F2RL2: variants seen among roughly 807,000 people sequenced by gnomAD.
F2RL2 encodes coagulation factor II thrombin receptor like 2.
A neutral mutation model predicts 4.3 loss-of-function variants in F2RL2; 4 were observed. That is an observed-to-expected ratio of 0.93 (90% CI 0.46 to 2.12). The LOEUF (loss-of-function observed/expected upper bound fraction) is 2.12. Ranked by LOEUF, F2RL2 falls within the 30% of genes most tolerant of loss-of-function variation. F2RL2 has a pLI of 0.02. For synonymous variants in F2RL2, 166 were observed against 170.9 expected, an observed-to-expected ratio of 0.97 and a Z score of 0.22; for missense variants, 408 against 449.3, an observed-to-expected ratio of 0.91 and a Z score of 0.83.
chr5:76,618,485 A>G lies in F2RL2; in HGVS notation c.222T>C (p.Ser74=), dbSNP rs750871274. 3.1e-6 allele frequency: 5 copies of G among 1,614,084 alleles called. No homozygotes were observed. In the Admixed American group the frequency reaches 8.3e-5, roughly 27 times the overall value. The change falls in exon 2 of 2, where the codon AGT becomes AGC. Residue 74 remains serine (S), a synonymous_variant. Transcript: ENST00000296641. ...CATTTTTCACATGGAGATGTGAAGC[A>G]CTTTCTTCAGGGCACTTAATTTTTA... ...ITVKIKCPEE[S]ASHLHVKNAT... is the part of the protein sequence containing the mutation.
intron 1 of F2RL2, among the ~76,000 whole-genome samples, chr5:76,619,104 T>G (rs563111334): frequency 8.5e-5 from 13 of 152,366 alleles, no homozygotes; most frequent in African/African-American, 3.1e-4. Flanking sequence ...TGGGCTATCA[T>G]GGGATCTGGG....
Position 76,618,442 on chromosome 5 carries a change from T to G in F2RL2, c.265A>C (p.Thr89Pro). 3 of 1,614,190 alleles carry G rather than the reference T, an allele frequency of 1.9e-6. No individual in the cohort carries two copies. The highest frequency in any genetic ancestry group is 2.5e-6 in the Non-Finnish European group (3 of 1,180,028). The change falls in exon 2 of 2, where the codon ACC becomes CCC. Residue 89 changes from threonine (T) to proline (P), a missense_variant. Physicochemically the swap from Thr to Pro is conservative, Grantham distance 38. Coordinates refer to ENST00000296641, the MANE Select transcript of F2RL2 (RefSeq NM_004101.4). Reference protein sequence around the residue: ...HVKNATMGYLTSSLSTKLIPA... With the variant: ...HVKNATMGYLPSSLSTKLIPA... ...ATCAGTTTAGTACTTAAGGAGCTGG[T>G]CAGGTACCCCATGGTAGCATTTTTC...
In F2RL2 at chr5:76,618,541, A is replaced by T; in HGVS notation, c.166T>A (p.Leu56Met). The T allele has an allele frequency of 6.2e-7, 1 of 1,614,160 alleles. No homozygotes were observed. Among genetic ancestry groups the T allele is most frequent in the Non-Finnish European group, 8.5e-7 (1 of 1,180,014 alleles). Reference protein sequence around the residue: ...NSFEEFPFSALEGWTGATITV... With the variant: ...NSFEEFPFSAMEGWTGATITV... ...ATCGTGGCTCCTGTCCAGCCTTCCA[A>T]GGCAGAAAAGGGGAACTCTTCAAAA... The change falls in exon 2 of 2, where the codon TTG becomes ATG. Residue 56 changes from leucine to methionine, a missense_variant. Leu to Met is a conservative substitution (Grantham distance 15). Coordinates refer to ENST00000296641, the MANE Select transcript of F2RL2 (RefSeq NM_004101.4).
intron 1 of F2RL2, among the ~76,000 whole-genome samples, chr5:76,620,846 A>G (rs1749586090): frequency 6.6e-6 from 1 of 152,224 alleles, no homozygotes; most frequent in Non-Finnish European, 1.5e-5. Context: ...AAACACATCA[A>G]CTATATGCTA....
rs1749180676 is a variant in F2RL2 at position 76,618,098 on chromosome 5, G to A, written c.609C>T (p.Gly203=). The A allele has an allele frequency of 6.2e-7, 1 of 1,614,158 alleles. No homozygotes were observed. The highest frequency in any genetic ancestry group is 1.1e-5 in the South Asian group (1 of 91,078). ...CCAAGGCATAGGTGTGCTTGGGCAG[G>A]CCCCGGTAGGTGAAAGGATGGACGA... ...LAIVHPFTYR[G]LPKHTYALVT... is the part of the protein sequence containing the mutation. The change falls in exon 2 of 2, where the codon GGC becomes GGT. Residue 203 remains glycine (G), a synonymous_variant. Coordinates refer to ENST00000296641, the MANE Select transcript of F2RL2 (RefSeq NM_004101.4).
Position 76,617,752 on chromosome 5 carries a change from T to G in F2RL2, c.955A>C (p.Ile319Leu). The change falls in exon 2 of 2, where the codon ATT becomes CTT. Residue 319 changes from isoleucine (I) to leucine (L), a missense_variant. By Grantham distance (5) the Ile-to-Leu change is conservative. Transcript: ENST00000296641. The stretch of plus-strand genomic sequence containing the variant: ...TTAGCATGGTGAATAATAAGAATAA[T>G]ATTGCTTGGAGCAAAGCAAATGGTA... ...IFTICFAPSN[I>L]ILIIHHANYY... is the part of the protein sequence containing the mutation. 6.2e-7 allele frequency: 1 copy of G among 1,613,864 alleles called. No homozygotes were observed. The highest frequency in any genetic ancestry group is 8.5e-7 in the Non-Finnish European group (1 of 1,179,858).
intron 1 of F2RL2, 63 bp downstream of exon 1, chr5:76,623,104 G>A: frequency 1.3e-6 from 2 of 1,507,338 alleles, no homozygotes; most frequent in Non-Finnish European, 1.8e-6. Flanking sequence ...CCTAGGTTCA[G>A]TTGACTCTTA....
At chr5:76,619,740 G>C (rs906756261) in intron 1 of F2RL2, among the ~76,000 whole-genome samples, 1 of 151,976 alleles carries the variant, frequency 6.6e-6, no homozygotes, top group Admixed American at 6.6e-5. Context: ...GGATGGTCTC[G>C]ATCTCCTGAC....
Position 76,623,184 on chromosome 5 carries a change from G to A in F2RL2, c.47C>T (p.Pro16Leu). 6.2e-6 allele frequency: 10 copies of A among 1,614,146 alleles called. No homozygotes were observed. The highest frequency in any genetic ancestry group is 8.5e-6 in the Non-Finnish European group (10 of 1,180,024). ...TTGCTTACCACTCTGACAAAAAGTG[G>A]GCAACAGAAGCAGGAGGCCAGCAGC... ...FAAAGLLLLL[P>L]TFCQSGMEND... Residue 16 changes from proline to leucine, a missense_variant, in exon 1 of 2, where the codon CCC becomes CTC. By Grantham distance (98) the Pro-to-Leu change is moderately conservative. Coordinates refer to ENST00000296641, the MANE Select transcript of F2RL2 (RefSeq NM_004101.4).
Position 76,618,091 on chromosome 5 carries a change from T to C in F2RL2, c.616A>G (p.Lys206Glu). Reference sequence around the variant, plus strand: ...CATGTTACCAAGGCATAGGTGTGCTTGGGCAGGCCCCGGTAGGTGAAAGGA... The same window carrying C: ...CATGTTACCAAGGCATAGGTGTGCTCGGGCAGGCCCCGGTAGGTGAAAGGA... Reference protein sequence around the residue: ...VHPFTYRGLPKHTYALVTCGL... With the variant: ...VHPFTYRGLPEHTYALVTCGL... The change falls in exon 2 of 2, where the codon AAG becomes GAG. Residue 206 changes from lysine to glutamate, a missense_variant. Lys to Glu is a moderately conservative substitution (Grantham distance 56). Coordinates refer to ENST00000296641, the MANE Select transcript of F2RL2 (RefSeq NM_004101.4). 1 of 1,614,178 alleles carries C rather than the reference T, an allele frequency of 6.2e-7. No individual in the cohort carries two copies. The highest frequency in any genetic ancestry group is 8.5e-7 in the Non-Finnish European group (1 of 1,180,032).
At position 76,618,478 on chromosome 5, in the gene F2RL2, G is replaced by A. The variant is rs1749242059; in HGVS notation, c.229C>T (p.His77Tyr). The change falls in exon 2 of 2, where the codon CAT (histidine) becomes TAT (tyrosine). Residue 77 changes from histidine (H) to tyrosine (Y), a missense_variant. Transcript: ENST00000296641. ...KIKCPEESAS[H>Y]LHVKNATMGY... ...ATGGTAGCATTTTTCACATGGAGAT[G>A]TGAAGCACTTTCTTCAGGGCACTTA... The A allele has an allele frequency of 6.2e-7, 1 of 1,614,082 alleles. No homozygotes were observed. Among genetic ancestry groups the A allele is most frequent in the South Asian group, 1.1e-5 (1 of 91,086 alleles).
rs755031524 is a variant in F2RL2, at chr5:76,618,546, GA to G, written c.160del (p.Ser54LeufsTer13). The G allele has an allele frequency of 9.3e-6, 15 of 1,614,016 alleles. No homozygotes were observed. Among genetic ancestry groups the G allele is most frequent in the South Asian group, 3.3e-5 (3 of 91,090 alleles). On this transcript the variant is annotated frameshift_variant, in exon 2 of 2. Coordinates refer to ENST00000296641, the MANE Select transcript of F2RL2 (RefSeq NM_004101.4). LOFTEE classifies it low-confidence loss of function (END_TRUNC). ...PPNSFEEFPFSALEGWTGATI... is the reference protein window; with the variant it reads ...PPNSFEEFPFXALEGWTGATI... ...GGCTCCTGTCCAGCCTTCCAAGGCAGAAAAGGGGAACTCTTCAAAAGAATTT... is the reference window on the plus strand; with the variant it reads ...GGCTCCTGTCCAGCCTTCCAAGGCAGAAAGGGGAACTCTTCAAAAGAATTT...
rs1383521894 is a variant in F2RL2 at position 76,617,995 on chromosome 5, C to G, written c.712G>C (p.Val238Leu). The G allele has an allele frequency of 1.2e-6, 2 of 1,613,952 alleles. No individual in the cohort carries two copies. The highest frequency in any genetic ancestry group is 3.3e-5 in the Admixed American group (2 of 59,992). Residue 238 changes from valine (V) to leucine (L), a missense_variant, in exon 2 of 2, where the codon GTT becomes CTT. Coordinates refer to ENST00000296641, the MANE Select transcript of F2RL2 (RefSeq NM_004101.4). ...FFILKQEYYL[V>L]QPDITTCHDV... ...TGGCAGGTGGTGATGTCTGGCTGAA[C>G]AAGATAATATTCCTGCTTCAGTATG... is the stretch of plus-strand genomic sequence containing the variant.
intron 1 of F2RL2, among the ~76,000 whole-genome samples, chr5:76,619,514 CTTTTTTTTTTTTT>C: frequency 9.6e-6 from 1 of 104,266 alleles, no homozygotes; most frequent in East Asian, 2.5e-4. Flanking sequence ...TAAGGATCTT[CTTTTTTTTTTTTT>C]TTTTTTTTTG....
rs1749083744 is a variant in F2RL2, at chr5:76,617,388, C to A, written c.*194G>T. The A allele has an allele frequency of 1.8e-6, 1 of 542,094 alleles. No homozygotes were observed. Among genetic ancestry groups the A allele is most frequent in the Non-Finnish European group, 3.2e-6 (1 of 307,746 alleles). 33.6% of individuals were successfully genotyped at this position (542,094 alleles called of 1,614,324 possible). ...GCAATGAGCCAAGATAGTGCCACTGCACGCCAGTCTGGGTGATAAAGTGAG... is the reference window on the plus strand; with the variant it reads ...GCAATGAGCCAAGATAGTGCCACTGAACGCCAGTCTGGGTGATAAAGTGAG... On this transcript the variant is annotated 3_prime_UTR_variant, in exon 2 of 2. Transcript: ENST00000296641.
chr5:76,623,327 G>A lies in F2RL2; in HGVS notation c.-97C>T. The A allele has an allele frequency of 1.4e-6, 2 of 1,422,030 alleles. No individual in the cohort carries two copies. The highest frequency in any genetic ancestry group is 2.3e-5 in the East Asian group (1 of 43,772). The allele number at this position is 1,422,030 out of a possible 1,614,324, so 88.1% of individuals were successfully genotyped here. A position where few individuals can be genotyped will look rare whatever the true frequency, so the allele number is the denominator to read the frequency against. ...TTCCATGTGTCAGCAGCAAATGGAA[G>A]CCTTGGTCTGTCTGTAGAAGTTTGC... On this transcript the variant is annotated 5_prime_UTR_variant, in exon 1 of 2. Transcript: ENST00000296641.
intron 1 of F2RL2, among the ~76,000 whole-genome samples, chr5:76,621,856 A>C (rs1376897404): frequency 2.0e-5 from 3 of 152,104 alleles, no homozygotes; most frequent in Non-Finnish European, 4.4e-5. Flanking sequence ...TCTATCCGGG[A>C]AAAGGCCTTG....
intron 1 of F2RL2, among the ~76,000 whole-genome samples, chr5:76,621,119 C>T (rs1265398847): frequency 2.6e-5 from 4 of 152,268 alleles, no homozygotes; most frequent in South Asian, 2.1e-4. Context: ...CAAAATTCCT[C>T]CATATTGAAT....
At position 76,617,347 on chromosome 5, in the gene F2RL2, C is replaced by T. The variant is rs947790955; in HGVS notation, c.*235G>A. The stretch of plus-strand genomic sequence containing the variant: ...AATCCCAGCTACTTGGGAGGCTGAC[C>T]TGGGAGGCAGAGGTTGCAATGAGCC... On this transcript the variant is annotated 3_prime_UTR_variant, in exon 2 of 2. Transcript: ENST00000296641. 2 of 402,054 alleles carry T rather than the reference C, an allele frequency of 5.0e-6. No homozygotes were observed. The highest frequency in any genetic ancestry group is 4.0e-5 in the African/African-American group (2 of 50,110). 24.9% of individuals were successfully genotyped at this position (402,054 alleles called of 1,614,324 possible).
Sources: gnomAD v4.1 joint callset for allele counts (sites outside exome capture counted in the v4.1 genomes callset) on GRCh38, gnomAD v4.1.1 for gene constraint, MANE v1.5 for transcripts, NCBI Gene and HGNC (gene_info 2026-07-23, HGNC 2026-07-21) for gene names.